The following COL6A6 variants were observed in gnomAD, a reference collection of about 807,000 sequenced individuals.
COL6A6 encodes collagen alpha-6(VI) chain.
Under a neutral mutation model 208.6 loss-of-function variants are expected in COL6A6, and 183 were observed. The observed-to-expected ratio is 0.88, with a 90% CI of 0.78 to 0.99. The LOEUF is 0.99. Ranked by LOEUF, COL6A6 falls within the 50% of genes least tolerant of loss-of-function variation. COL6A6 has a pLI of 0.00. For missense variants in COL6A6, 2,816 were observed against 2,815.2 expected (o/e 1.00, Z -0.01); for synonymous variants, 973 against 1,011.8 (o/e 0.96, Z 0.73).
At position 130,565,550 on chromosome 3, in the gene COL6A6, G is replaced by A. The variant is rs2062998262; in HGVS notation, c.1218G>A (p.Lys406=). 2.5e-6 allele frequency: 4 copies of A among 1,613,788 alleles called. No homozygotes were observed. The East Asian group carries it at 8.9e-5, about 36-fold the overall frequency. Residue 406 remains lysine, a synonymous_variant, in exon 4 of 37, where the codon AAG becomes AAA. Transcript: ENST00000358511. Reference sequence around the variant, plus strand: ...CTCACAACCAGACATTTCTGAAGAAGCTGCGGAACCAAATAACACACACAG... The same window carrying A: ...CTCACAACCAGACATTTCTGAAGAAACTGCGGAACCAAATAACACACACAG... ...LAAHNQTFLK[K]LRNQITHTVS...
At chr3:130,597,648 G>A (rs1346963618) in intron 18 of COL6A6, among the ~76,000 whole-genome samples, 2 of 152,196 alleles carry the variant, frequency 1.3e-5, no homozygotes, top group African/African-American at 4.8e-5. Context: ...TCTGTTTGTG[G>A]TTCATACGAC....
intron 18 of COL6A6, among the ~76,000 whole-genome samples, chr3:130,595,453 C>T (rs1470566137): frequency 6.6e-6 from 1 of 152,134 alleles, no homozygotes; most frequent in African/African-American, 2.4e-5. Context: ...TCTCAGAAGC[C>T]CCCTCATGCC....
At chr3:130,553,542 C>G (rs111949398) in intron 1 of COL6A6, among the ~76,000 whole-genome samples, 1 of 152,044 alleles carries the variant, frequency 6.6e-6, no homozygotes, top group Non-Finnish European at 1.5e-5. Flanking sequence ...TCTTTCATCT[C>G]CTGTATCATT....
At chr3:130,645,158 CAATA>C (rs2065431400) in intron 32 of COL6A6, among the ~76,000 whole-genome samples, 156 bp downstream of exon 32, 2 of 152,176 alleles carry the variant, frequency 1.3e-5, no homozygotes, top group South Asian at 4.1e-4. Context: ...GTCTTGCCTC[CAATA>C]AATCACTCAG....
At position 130,589,126 on chromosome 3, in the gene COL6A6, T is replaced by C; in HGVS notation, c.4162T>C (p.Cys1388Arg). 1 of 1,613,894 alleles carries C rather than the reference T, an allele frequency of 6.2e-7. No homozygotes were observed. The highest frequency in any genetic ancestry group is 2.2e-5 in the East Asian group (1 of 44,860). ...VAERTCCCLFCKCIGGDGTMG... is the reference protein window; with the variant it reads ...VAERTCCCLFRKCIGGDGTMG... Reference sequence around the variant, plus strand: ...TGAAAGGACATGCTGCTGTTTGTTCTGCAAGTGCATTGGAGGAGATGGCAC... The same window carrying C: ...TGAAAGGACATGCTGCTGTTTGTTCCGCAAGTGCATTGGAGGAGATGGCAC... Residue 1388 changes from cysteine to arginine, a missense_variant, in exon 12 of 37, where the codon TGC becomes CGC. Transcript: ENST00000358511.
chr3:130,562,164 AC>A (rs761058831), intron 2 of COL6A6, among the ~76,000 whole-genome samples: 39 of 152,194 alleles, frequency 2.6e-4, no homozygotes, highest in Admixed American at 5.2e-4. Flanking sequence ...CTGAGTTCAA[AC>A]CAGCAGACCA....
At chr3:130,662,561 G>A (rs2108462523) in intron 35 of COL6A6, among the ~76,000 whole-genome samples, 1 of 152,124 alleles carries the variant, frequency 6.6e-6, no homozygotes, top group East Asian at 1.9e-4. Flanking sequence ...ACAAGCAGCT[G>A]TTCACACATC....
intron 33 of COL6A6, among the ~76,000 whole-genome samples, chr3:130,656,864 G>A (rs1039280035): frequency 6.6e-6 from 1 of 152,248 alleles, no homozygotes; most frequent in African/African-American, 2.4e-5. Flanking sequence ...ACACCTGGCC[G>A]GGTTGCAACA....
Position 130,568,468 on chromosome 3 carries a change from G to A in COL6A6, c.2265G>A (p.Val755=). 6.2e-7 allele frequency: 1 copy of A among 1,613,906 alleles called. No individual in the cohort carries two copies. The highest frequency in any genetic ancestry group is 2.2e-5 in the East Asian group (1 of 44,880). ...LRQEGVIIYS[V]GVFGSNVTQL... ...AAGAAGGTGTAATCATCTATTCTGT[G>A]GGAGTGTTTGGCTCCAATGTCACCC... is the stretch of plus-strand genomic sequence containing the variant. Residue 755 remains valine (V), a synonymous_variant, in exon 6 of 37, where the codon GTG becomes GTA. Coordinates refer to ENST00000358511, the MANE Select transcript of COL6A6 (RefSeq NM_001102608.3).
chr3:130,606,175 G>T (rs2108179953), intron 20 of COL6A6, among the ~76,000 whole-genome samples: 1 of 152,296 alleles, frequency 6.6e-6, no homozygotes, highest in Non-Finnish European at 1.5e-5. Flanking sequence ...CAAATGCTGG[G>T]TTTTACTTTT....
At chr3:130,667,672 TAATA>T (rs1294018906) in intron 36 of COL6A6, among the ~76,000 whole-genome samples, 1 of 152,286 alleles carries the variant, frequency 6.6e-6, no homozygotes, top group South Asian at 2.1e-4. Flanking sequence ...CTATAAATAT[TAATA>T]AATGTTTTTG....
At chr3:130,609,033 C>G in intron 22 of COL6A6, 69 bp downstream of exon 22, 1 of 1,136,768 alleles carries the variant, frequency 8.8e-7, no homozygotes, top group South Asian at 1.3e-5. Flanking sequence ...ATCTGAGGAC[C>G]TGATAGAAAC....
rs749211146 is a variant in COL6A6, at chr3:130,658,787, G to A, written c.5830+15G>A. On this transcript the variant is annotated intron_variant, in intron 34 of 36. Coordinates refer to ENST00000358511, the MANE Select transcript of COL6A6 (RefSeq NM_001102608.3). ...TTTCTGCTATGGTAAGACCCACAGA[G>A]AGAAGGTAATTTGGTCAGGCCTATT... 6.3e-7 allele frequency: 1 copy of A among 1,593,150 alleles called. No homozygotes were observed. Among genetic ancestry groups the A allele is most frequent in the South Asian group, 1.1e-5 (1 of 89,216 alleles).
At chr3:130,582,134 G>A in intron 10 of COL6A6, 66 bp downstream of exon 10, 1 of 1,023,774 alleles carries the variant, frequency 9.8e-7, no homozygotes, top group Non-Finnish European at 1.4e-6. Context: ...CTAAATTCTG[G>A]CTCTTAAATT....
intron 33 of COL6A6, among the ~76,000 whole-genome samples, chr3:130,652,602 A>G (rs1431451014): frequency 6.6e-6 from 1 of 152,218 alleles, no homozygotes; most frequent in African/African-American, 2.4e-5. Flanking sequence ...GGTTGTCTGG[A>G]AGGGCTCAAA....
chr3:130,645,531 G>T (rs2065441930), intron 32 of COL6A6, among the ~76,000 whole-genome samples: 1 of 152,142 alleles, frequency 6.6e-6, no homozygotes, highest in Non-Finnish European at 1.5e-5. Context: ...ACCTGCTTTG[G>T]CATCTCAAAG....
At chr3:130,605,040 C>T (rs758959252) in intron 20 of COL6A6, among the ~76,000 whole-genome samples, 6 of 152,216 alleles carry the variant, frequency 3.9e-5, no homozygotes, top group Non-Finnish European at 8.8e-5. Flanking sequence ...TCTTCTCACA[C>T]TTTTGACACA....
chr3:130,634,230 TAAATAAATAAATA>T (rs2065035461), intron 26 of COL6A6, among the ~76,000 whole-genome samples: 1 of 67,946 alleles, frequency 1.5e-5, no homozygotes, highest in Non-Finnish European at 4.2e-5. Context: ...AATAAATAAA[TAAATAAATAAATA>T]AAAAAAAAAA....
intron 35 of COL6A6, among the ~76,000 whole-genome samples, chr3:130,664,749 A>T (rs2066029913): frequency 6.6e-6 from 1 of 152,164 alleles, no homozygotes; most frequent in African/African-American, 2.4e-5. Context: ...CTAATGGTTG[A>T]CCCGCTTTAG....
Sources: gnomAD v4.1 joint callset for allele counts (sites outside exome capture counted in the v4.1 genomes callset) on GRCh38, gnomAD v4.1.1 for gene constraint, MANE v1.5 for transcripts, NCBI Gene and HGNC (gene_info 2026-07-23, HGNC 2026-07-21) for gene names.